Variants in LRMDA observed in about 807,000 individuals in gnomAD.
LRMDA encodes the protein leucine rich melanocyte differentiation associated.
Under a neutral mutation model 29.8 loss-of-function variants are expected in LRMDA, and 18 were observed. That is an observed-to-expected ratio of 0.60 (90% CI 0.42 to 0.90). The LOEUF (loss-of-function observed/expected upper bound fraction) is 0.90, where lower values mean the gene tolerates loss of function less well. Among genes scored for constraint, LRMDA ranks in the 40% least tolerant of loss-of-function variants. The pLI is 0.00. For missense variants in LRMDA, 273 were observed against 273.9 expected, an observed-to-expected ratio of 1.00 and a Z score of 0.02; for synonymous variants, 125 against 109.4, an observed-to-expected ratio of 1.14 and a Z score of -0.89.
chr10:76,232,846 G>A (rs756070176), intron 5 of LRMDA, among the ~76,000 whole-genome samples: 4 of 152,214 alleles, frequency 2.6e-5, no homozygotes, highest in African/African-American at 7.2e-5. Context: ...GTGTGTCTGG[G>A]CCTGGGGCCT....
At chr10:76,450,578 T>G (rs543748966) in intron 6 of LRMDA, among the ~76,000 whole-genome samples, 1 of 152,188 alleles carries the variant, frequency 6.6e-6, no homozygotes, top group African/African-American at 2.4e-5. Flanking sequence ...ACACTTCATC[T>G]GGATCTAAAT....
intron 2 of LRMDA, among the ~76,000 whole-genome samples, chr10:76,019,348 T>C (rs1847931786): frequency 6.6e-6 from 1 of 152,170 alleles, no homozygotes; most frequent in South Asian, 2.1e-4. Flanking sequence ...CTTGAAATTG[T>C]CACTGACCAG....
intron 2 of LRMDA, among the ~76,000 whole-genome samples, chr10:75,980,538 T>TCATGCAGG (rs949966597): frequency 2.0e-5 from 3 of 152,168 alleles, no homozygotes; most frequent in Non-Finnish European, 2.9e-5. Flanking sequence ...TAATGTTCTG[T>TCATGCAGG]CATGCAGGTC....
chr10:76,072,963 A>G (rs528519543), intron 5 of LRMDA, among the ~76,000 whole-genome samples: 2 of 152,358 alleles, frequency 1.3e-5, no homozygotes, highest in Admixed American at 1.3e-4. Context: ...TGTTTCCAGC[A>G]TCGCAGATGA....
chr10:76,294,011 G>C (rs1840382011), intron 5 of LRMDA, among the ~76,000 whole-genome samples: 1 of 152,136 alleles, frequency 6.6e-6, no homozygotes, highest in Non-Finnish European at 1.5e-5. Flanking sequence ...ATGCTTTCTT[G>C]AACTTCTACA....
At position 75,574,574 on chromosome 10, in the gene LRMDA, G is replaced by T. The variant is rs1037555413; in HGVS notation, c.131+136080G>T. Among the ~76,000 whole-genome samples the T allele has an allele frequency of 2.0e-5, 3 of 152,112 alleles. No homozygotes were observed. The South Asian group carries it at 6.2e-4, about 32-fold the overall frequency. On this transcript the variant is annotated intron_variant, in intron 2 of 6. Transcript: ENST00000611255. ...TGGCATCATTTTCCTGGCTCATCGA[G>T]TACCTTTCTTCTCACTCCTTTTCTG...
intron 5 of LRMDA, chr10:76,318,938 C>T (rs1840734295): frequency 6.6e-6 from 1 of 152,332 alleles, no homozygotes; most frequent in African/African-American, 2.4e-5. Flanking sequence ...GAGACAGAGT[C>T]TGGCTCTGTC....
chr10:76,130,186 G>A (rs1296206737), intron 5 of LRMDA, among the ~76,000 whole-genome samples: 1 of 151,098 alleles, frequency 6.6e-6, no homozygotes, highest in East Asian at 1.9e-4. Flanking sequence ...GGTGCAGGAC[G>A]AGTTCCCAGC....
chr10:75,690,143 A>G (rs1375907785), intron 2 of LRMDA, among the ~76,000 whole-genome samples: 2 of 152,214 alleles, frequency 1.3e-5, no homozygotes, highest in Non-Finnish European at 2.9e-5. Flanking sequence ...TTGATTCCAA[A>G]TGCCACTACA....
intron 2 of LRMDA, among the ~76,000 whole-genome samples, chr10:75,604,668 A>G (rs989390757): frequency 2.0e-5 from 3 of 152,216 alleles, no homozygotes; most frequent in African/African-American, 7.2e-5. Flanking sequence ...AAAAGGACTC[A>G]GGACACAAAT....
At chr10:76,510,816 GC>G (rs2132351662) in intron 6 of LRMDA, among the ~76,000 whole-genome samples, 1 of 152,238 alleles carries the variant, frequency 6.6e-6, no homozygotes, top group South Asian at 2.1e-4. Flanking sequence ...GACAATTCCT[GC>G]CCCTGTGTCT....
intron 2 of LRMDA, among the ~76,000 whole-genome samples, chr10:75,661,349 T>C (rs1841750450): frequency 1.3e-5 from 2 of 152,242 alleles, no homozygotes; most frequent in Non-Finnish European, 2.9e-5. Flanking sequence ...TGGGAGTTTG[T>C]ACCAGACCAG....
rs761893864 is a variant in LRMDA at position 76,340,234 on chromosome 10, G to A, written c.601+15749G>A. ...GTTACTAGTTATAAAAAGAGAGGGA[G>A]GCCAGGCATGGTGGCTCACGCCTGT... On this transcript the variant is annotated intron_variant, in intron 6 of 6. Coordinates refer to ENST00000611255, the MANE Select transcript of LRMDA (RefSeq NM_001305581.2). 2.2e-3 allele frequency among the ~76,000 whole-genome samples: 342 copies of A among 152,234 alleles called. 5 individuals carry two copies. The Middle Eastern group carries it at 0.031, about 14-fold the overall frequency.
At chr10:76,023,321 G>A (rs1397604210) in intron 2 of LRMDA, among the ~76,000 whole-genome samples, 1 of 152,176 alleles carries the variant, frequency 6.6e-6, no homozygotes, top group Non-Finnish European at 1.5e-5. Flanking sequence ...GGGTTGCTCT[G>A]AAAGATGAAG....
At chr10:76,018,275 T>TA (rs1321300087) in intron 2 of LRMDA, among the ~76,000 whole-genome samples, 4 of 152,194 alleles carry the variant, frequency 2.6e-5, no homozygotes, top group Non-Finnish European at 5.9e-5. Context: ...GTATGATGTT[T>TA]ATCATCATCC....
At chr10:76,188,804 CA>C (rs1328617464) in intron 5 of LRMDA, among the ~76,000 whole-genome samples, 1 of 152,062 alleles carries the variant, frequency 6.6e-6, no homozygotes, top group Non-Finnish European at 1.5e-5. Context: ...AAACTTGTTA[CA>C]AAGAATAAAG....
At chr10:76,369,985 C>T (rs771376253) in intron 6 of LRMDA, among the ~76,000 whole-genome samples, 8 of 151,938 alleles carry the variant, frequency 5.3e-5, no homozygotes, top group South Asian at 2.1e-4. Flanking sequence ...GAGCTTGCAG[C>T]ACAGTGGGAA....
At chr10:75,839,210 C>T (rs770254528) in intron 2 of LRMDA, among the ~76,000 whole-genome samples, 5 of 152,154 alleles carry the variant, frequency 3.3e-5, no homozygotes, top group Non-Finnish European at 7.3e-5. Flanking sequence ...CACATTTGTT[C>T]GTAAAACTTG....
chr10:76,303,396 TGGA>T (rs954779186), intron 5 of LRMDA, among the ~76,000 whole-genome samples: 1 of 152,142 alleles, frequency 6.6e-6, no homozygotes, highest in Non-Finnish European at 1.5e-5. Context: ...TCTGTGAAGC[TGGA>T]GGTTTTGTTC....
Sources: gnomAD v4.1 joint callset for allele counts (sites outside exome capture counted in the v4.1 genomes callset) on GRCh38, gnomAD v4.1.1 for gene constraint, MANE v1.5 for transcripts, NCBI Gene and HGNC (gene_info 2026-07-23, HGNC 2026-07-21) for gene names.